Variants in ASS1 observed in about 807,000 individuals in gnomAD.
The protein encoded by ASS1 is argininosuccinate synthase 1, also known as argininosuccinate synthase.
A neutral mutation model predicts 60.5 loss-of-function variants in ASS1; 58 were observed. The observed-to-expected ratio is 0.96, with a 90% CI of 0.78 to 1.19. The LOEUF is 1.19. Among genes scored for constraint, ASS1 ranks in the 50% most tolerant of loss-of-function variants. ASS1 has a pLI of 0.00. For missense variants in ASS1, 454 were observed against 547.3 expected (o/e 0.83, Z 1.70); for synonymous variants, 200 against 206.9 (o/e 0.97, Z 0.29).
intron 7 of ASS1, 74 bp from the exon 8 acceptor site, chr9:130,471,411 G>A: frequency 6.4e-7 from 1 of 1,551,566 alleles, no homozygotes; most frequent in Non-Finnish European, 8.9e-7. Flanking sequence ...GGCACAATGG[G>A]GTGTGTGTGT....
At chr9:130,483,934 T>C (rs1043141127) in intron 11 of ASS1, among the ~76,000 whole-genome samples, 5 of 152,042 alleles carry the variant, frequency 3.3e-5, no homozygotes, top group Non-Finnish European at 7.4e-5. Context: ...ACAAGGGCTG[T>C]CACCCACTTG....
rs898644858 is a variant in ASS1 at position 130,491,795 on chromosome 9, G to A, written c.970+2331G>A. Among the ~76,000 whole-genome samples, 1 of 152,166 alleles carries A rather than the reference G, an allele frequency of 6.6e-6. No individual in the cohort carries two copies. Among genetic ancestry groups the A allele is most frequent in the African/African-American group, 2.4e-5 (1 of 41,438 alleles). On this transcript the variant is annotated intron_variant, in intron 12 of 14. Coordinates refer to ENST00000352480, the MANE Select transcript of ASS1 (RefSeq NM_054012.4). The surrounding 1 kb of genome is among the most constrained non-coding windows in gnomAD (Gnocchi z 5.3). Reference sequence around the variant, plus strand: ...AACAAAATCTCAGAGTGGAGGCGAGGGAGAGTAGGGGCTTCTTCTGGGTAG... The same window carrying A: ...AACAAAATCTCAGAGTGGAGGCGAGAGAGAGTAGGGGCTTCTTCTGGGTAG...
Position 130,477,450 on chromosome 9 carries a change from T to C in ASS1, c.688+489T>C, listed in dbSNP as rs953975426. Among the ~76,000 whole-genome samples, 42 of 152,202 alleles carry C rather than the reference T, an allele frequency of 2.8e-4. No homozygotes were observed. Among genetic ancestry groups the C allele is most frequent in the African/African-American group, 8.4e-4 (35 of 41,456 alleles). ...CATGGAAAGCCTTCGCCAGTCTTCA[T>C]TGAGCCGCTCTGGGCCTCACCCTGC... On this transcript the variant is annotated intron_variant, in intron 9 of 14. Coordinates refer to ENST00000352480, the MANE Select transcript of ASS1 (RefSeq NM_054012.4). The surrounding 1 kb of genome is among the most constrained non-coding windows in gnomAD (Gnocchi z 4.2).
chr9:130,497,343 A>C lies in ASS1; in HGVS notation c.1128-2162A>C, dbSNP rs545458105. 3.6e-3 allele frequency among the ~76,000 whole-genome samples: 543 copies of C among 152,322 alleles called. 5 individuals are homozygous for C. Among genetic ancestry groups the C allele is most frequent in the African/African-American group, 0.012 (515 of 41,578 alleles). ...GCCCTTGAGTGACAGCGTCACAGGGACCAGCGAGGAAGCCGTGAGAGGTAG... is the reference window on the plus strand; with the variant it reads ...GCCCTTGAGTGACAGCGTCACAGGGCCCAGCGAGGAAGCCGTGAGAGGTAG... On this transcript the variant is annotated intron_variant, in intron 13 of 14. Transcript: ENST00000352480.
chr9:130,497,392 A>G (rs1002807672), intron 13 of ASS1, among the ~76,000 whole-genome samples: 12 of 152,130 alleles, frequency 7.9e-5, no homozygotes, highest in Non-Finnish European at 1.8e-4. Context: ...GCCGTGGCTC[A>G]GTAGGTAGAA....
intron 7 of ASS1, 53 bp from the exon 8 acceptor site, chr9:130,471,432 G>T (rs908082110): frequency 4.4e-6 from 7 of 1,601,618 alleles, no homozygotes; most frequent in African/African-American, 4.0e-5. Context: ...TGGGGGATGG[G>T]GACATGCCAT....
In ASS1 at chr9:130,454,241, C is replaced by T. The variant is rs895266012; in HGVS notation, c.106-64C>T. On this transcript the variant is annotated intron_variant, in intron 2 of 14. Coordinates refer to ENST00000352480, the MANE Select transcript of ASS1 (RefSeq NM_054012.4). The stretch of plus-strand genomic sequence containing the variant: ...GCAGGGGGTGGGAGGCTGCTGCATG[C>T]GGATGGTGTGAACTCAGGGCTCCCC... The T allele has an allele frequency of 1.3e-5, 20 of 1,526,458 alleles. No individual in the cohort carries two copies. The East Asian group carries it at 2.6e-4, about 20-fold the overall frequency. 94.6% of individuals were successfully genotyped at this position (1,526,458 alleles called of 1,614,324 possible). A position where few individuals can be genotyped will look rare whatever the true frequency, so the allele number is the denominator to read the frequency against.
rs1423187561 is a variant in ASS1, at chr9:130,470,500, G to A, written c.496-334G>A. 2.6e-5 allele frequency among the ~76,000 whole-genome samples: 4 copies of A among 152,214 alleles called. No homozygotes were observed. The highest frequency in any genetic ancestry group is 6.5e-5 in the Admixed American group (1 of 15,286). On this transcript the variant is annotated intron_variant, in intron 6 of 14. Transcript: ENST00000352480. The surrounding 1 kb of genome is among the most constrained non-coding windows in gnomAD (Gnocchi z 4.3). ...AAGCCCCAGCTCGTAGGGTGGTGGC[G>A]GGGCTGGTTGGCTGGTGCCGGGAGA...
In ASS1 at chr9:130,476,941, T is replaced by A; in HGVS notation, c.668T>A (p.Leu223His). The A allele has an allele frequency of 1.9e-6, 3 of 1,613,974 alleles. No individual in the cohort carries two copies. Among genetic ancestry groups the A allele is most frequent in the Non-Finnish European group, 2.5e-6 (3 of 1,179,974 alleles). Reference sequence around the variant, plus strand: ...AAAGCCCCCAACACCCCTGACATTCTCGAGATCGAGTTCAAAAAAGGTATG... The same window carrying A: ...AAAGCCCCCAACACCCCTGACATTCACGAGATCGAGTTCAAAAAAGGTATG... The part of the protein sequence containing the change: ...PAKAPNTPDI[L>H]EIEFKKGVPV... The change falls in exon 9 of 15, where the codon CTC becomes CAC. Residue 223 changes from leucine (L) to histidine (H), a missense_variant. Transcript: ENST00000352480. This position sits in a 1 kb window ranked among gnomAD's most constrained non-coding sequence, Gnocchi z 4.9.
chr9:130,452,103 G>T, intron 1 of ASS1, 121 bp from the exon 2 acceptor site: 1 of 844,608 alleles, frequency 1.2e-6, no homozygotes, highest in Non-Finnish European at 2.0e-6. Flanking sequence ...GACCTTCAGT[G>T]GCAGCTTGCC....
chr9:130,472,368 C>T (rs1845888017), intron 8 of ASS1, among the ~76,000 whole-genome samples: 1 of 152,152 alleles, frequency 6.6e-6, no homozygotes, highest in African/African-American at 2.4e-5. Flanking sequence ...CTGTCACTCT[C>T]ACGCCCGCGT....
chr9:130,476,740 G>A lies in ASS1; in HGVS notation c.598-131G>A. On this transcript the variant is annotated intron_variant, in intron 8 of 14. Coordinates refer to ENST00000352480, the MANE Select transcript of ASS1 (RefSeq NM_054012.4). This position sits in a 1 kb window ranked among gnomAD's most constrained non-coding sequence, Gnocchi z 4.9. ...GCTAGGCTGAGGGCTGGGGACCGGG[G>A]GATCTGCCGGACCCCACCAGCTGGT... 2 of 872,010 alleles carry A rather than the reference G, an allele frequency of 2.3e-6. No individual in the cohort carries two copies. Among genetic ancestry groups the A allele is most frequent in the Non-Finnish European group, 3.9e-6 (2 of 512,046 alleles). 54.0% of individuals were successfully genotyped at this position (872,010 alleles called of 1,614,324 possible). A position where few individuals can be genotyped will look rare whatever the true frequency, so the allele number is the denominator to read the frequency against.
In ASS1 at chr9:130,499,486, G is replaced by C; in HGVS notation, c.1128-19G>C. The C allele has an allele frequency of 6.2e-7, 1 of 1,612,468 alleles. No homozygotes were observed. Among genetic ancestry groups the C allele is most frequent in the Non-Finnish European group, 8.5e-7 (1 of 1,179,364 alleles). ...GGCCAGGGCCAGGCTGAGCTGACAA[G>C]CTTCTACTCTCCTTGCAGCATGAAC... On this transcript the variant is annotated intron_variant, in intron 13 of 14. Transcript: ENST00000352480.
intron 5 of ASS1, among the ~76,000 whole-genome samples, chr9:130,465,062 T>A (rs1250281405): frequency 1.7e-3 from 248 of 145,084 alleles, no homozygotes; most frequent in Admixed American, 2.9e-3. Flanking sequence ...ATATATTTTT[T>A]TTTTTTCTTT....
chr9:130,479,899 G>A (rs1846125637), intron 10 of ASS1, 99 bp downstream of exon 10: 1 of 1,336,258 alleles, frequency 7.5e-7, no homozygotes, highest in Non-Finnish European at 1.1e-6. Flanking sequence ...GAGGCTCAGG[G>A]GTGCGGAGCA....
At chr9:130,468,364 G>A (rs557579951) in intron 6 of ASS1, among the ~76,000 whole-genome samples, 9 of 152,004 alleles carry the variant, frequency 5.9e-5, no homozygotes, top group South Asian at 2.1e-4. Flanking sequence ...ATCGTCCAAC[G>A]GAAAAACACT....
At position 130,459,495 on chromosome 9, in the gene ASS1, G is replaced by C. The variant is rs902003960; in HGVS notation, c.363+906G>C. On this transcript the variant is annotated intron_variant, in intron 4 of 14. Coordinates refer to ENST00000352480, the MANE Select transcript of ASS1 (RefSeq NM_054012.4). This position sits in a 1 kb window ranked among gnomAD's most constrained non-coding sequence, Gnocchi z 4.6. ...CGCCCAGGCTGGAGTGCAGTGGCTC[G>C]ATCTTGGCTCACTGCAACCTCTGCC... is the stretch of plus-strand genomic sequence containing the variant. Among the ~76,000 whole-genome samples the C allele has an allele frequency of 2.0e-5, 3 of 151,972 alleles. No homozygotes were observed. The highest frequency in any genetic ancestry group is 4.4e-5 in the Non-Finnish European group (3 of 67,998).
At chr9:130,464,870 C>A (rs1564906736) in intron 5 of ASS1, among the ~76,000 whole-genome samples, 1 of 152,046 alleles carries the variant, frequency 6.6e-6, no homozygotes. Context: ...GTCTACTGAG[C>A]ACCCACTCAG....
chr9:130,457,372 G>T (rs996519358), intron 3 of ASS1, among the ~76,000 whole-genome samples: 1 of 152,228 alleles, frequency 6.6e-6, no homozygotes, highest in African/African-American at 2.4e-5. Flanking sequence ...TCAAGAGGCT[G>T]AGGTGGGAGG....
Sources: gnomAD v4.1 joint callset for allele counts (sites outside exome capture counted in the v4.1 genomes callset) on GRCh38, gnomAD v4.1.1 for gene constraint, Gnocchi (gnomAD v3.1) non-coding constraint, MANE v1.5 for transcripts, NCBI Gene and HGNC (gene_info 2026-07-23, HGNC 2026-07-21) for gene names.